Variants in GRID2 observed in about 807,000 individuals in gnomAD.
GRID2 encodes glutamate receptor ionotropic, delta-2.
In GRID2, 33 loss-of-function variants were observed where a neutral mutation model predicts 114.8. The ratio of observed to expected loss-of-function variants is 0.29; its 90% CI spans 0.22 to 0.38. The LOEUF (loss-of-function observed/expected upper bound fraction) is 0.38, where lower values mean the gene tolerates loss of function less well. Ranked by LOEUF, GRID2 falls within the 10% of genes least tolerant of loss-of-function variation. GRID2 has a pLI of 1.00. For synonymous variants in GRID2, 505 were observed against 449.9 expected, an observed-to-expected ratio of 1.12 and a Z score of -1.55; for missense variants, 1,184 against 1,257.7, an observed-to-expected ratio of 0.94 and a Z score of 0.89.
At chr4:93,569,242 C>T (rs1308866101) in intron 13 of GRID2, among the ~76,000 whole-genome samples, 3 of 152,146 alleles carry the variant, frequency 2.0e-5, no homozygotes, top group African/African-American at 7.2e-5. Context: ...TTTCCCTGCC[C>T]TCCTTTCATT....
At position 93,588,933 on chromosome 4, in the gene GRID2, G is replaced by C. The variant is rs1250912770; in HGVS notation, c.2194-37336G>C. On this transcript the variant is annotated intron_variant, in intron 13 of 15. Transcript: ENST00000282020. ...TGCCCCATCAAGTTCAATGGGGCAT[G>C]AACTCTCCAGCAGGTTCATCATATA... Among the ~76,000 whole-genome samples the C allele has an allele frequency of 3.3e-5, 5 of 152,068 alleles. No homozygotes were observed. In the South Asian group the frequency reaches 1.0e-3, roughly 32 times the overall value.
At chr4:93,003,834 T>G (rs1333572031) in intron 2 of GRID2, among the ~76,000 whole-genome samples, 1 of 151,956 alleles carries the variant, frequency 6.6e-6, no homozygotes, top group Non-Finnish European at 1.5e-5. Context: ...CTTCAGCAAC[T>G]AGTGGGCCAA....
intron 14 of GRID2, among the ~76,000 whole-genome samples, chr4:93,689,889 A>G (rs1046612878): frequency 6.6e-6 from 1 of 152,100 alleles, no homozygotes; most frequent in Non-Finnish European, 1.5e-5. Context: ...CTAACTAAAC[A>G]TTACATTTAC....
At chr4:93,042,390 G>T (rs1415324107) in intron 2 of GRID2, among the ~76,000 whole-genome samples, 29 of 144,424 alleles carry the variant, frequency 2.0e-4, no homozygotes, top group African/African-American at 6.9e-4. Flanking sequence ...ATATATATGT[G>T]TATATATACA....
intron 2 of GRID2, among the ~76,000 whole-genome samples, chr4:92,930,555 C>G (rs1236150790): frequency 3.0e-5 from 4 of 131,708 alleles, no homozygotes; most frequent in African/African-American, 1.1e-4. Context: ...TGGAAAGATT[C>G]TTTATCTTGT....
intron 2 of GRID2, among the ~76,000 whole-genome samples, chr4:93,070,101 A>G (rs935413117): frequency 6.6e-6 from 1 of 151,926 alleles, no homozygotes; most frequent in Non-Finnish European, 1.5e-5. Flanking sequence ...TTAGTGTCAA[A>G]TATTTAAATA....
At chr4:92,648,047 AT>A (rs1422174098) in intron 2 of GRID2, among the ~76,000 whole-genome samples, 2 of 149,822 alleles carry the variant, frequency 1.3e-5, no homozygotes, top group Non-Finnish European at 3.0e-5. Flanking sequence ...AGTTTCACTC[AT>A]TGGGGACATT....
At chr4:92,786,906 T>G (rs1158533822) in intron 2 of GRID2, among the ~76,000 whole-genome samples, 3 of 151,896 alleles carry the variant, frequency 2.0e-5, no homozygotes, top group African/African-American at 7.2e-5. Flanking sequence ...AGATTACAAA[T>G]GCAGACCTTT....
chr4:93,463,882 G>T (rs908619979), intron 11 of GRID2, among the ~76,000 whole-genome samples: 3 of 152,008 alleles, frequency 2.0e-5, no homozygotes, highest in Non-Finnish European at 4.4e-5. Flanking sequence ...CCAGCTACTC[G>T]GGAGGCTGAG....
In GRID2 at chr4:92,555,248, G is replaced by A. The variant is rs546567916; in HGVS notation, c.89-34883G>A. 5.3e-4 allele frequency among the ~76,000 whole-genome samples: 80 copies of A among 152,218 alleles called. 1 individual carries two copies. The South Asian group carries it at 0.012, about 22-fold the overall frequency. ...CCATATTAACCCATGAGAGTTATCC[G>A]CAGTTAGCATTTGTGTTGAAGTAAA... On this transcript the variant is annotated intron_variant, in intron 1 of 15. Transcript: ENST00000282020.
chr4:92,338,221 TAAATA>T (rs1245019867), intron 1 of GRID2, among the ~76,000 whole-genome samples: 8 of 152,180 alleles, frequency 5.3e-5, no homozygotes, highest in African/African-American at 9.6e-5. Flanking sequence ...TAGTTTGTTA[TAAATA>T]AAATAGAGGT....
At position 92,923,588 on chromosome 4, in the gene GRID2, T is replaced by C. The variant is rs938549056; in HGVS notation, c.245-161407T>C. ...ATTTTCTTTGTTTTATTTTCTGTTA[T>C]AAAAGCCAACCAAAAATGACAAAAA... On this transcript the variant is annotated intron_variant, in intron 2 of 15. Coordinates refer to ENST00000282020, the MANE Select transcript of GRID2 (RefSeq NM_001510.4). Among the ~76,000 whole-genome samples, 7 of 152,268 alleles carry C rather than the reference T, an allele frequency of 4.6e-5. No individual in the cohort carries two copies. The South Asian group carries it at 8.3e-4, about 18-fold the overall frequency.
At chr4:93,605,051 G>A (rs2149648925) in intron 13 of GRID2, among the ~76,000 whole-genome samples, 1 of 152,128 alleles carries the variant, frequency 6.6e-6, no homozygotes, top group South Asian at 2.1e-4. Context: ...TAGATATGAA[G>A]GAGCTAATTG....
At chr4:93,783,344 A>C (rs866002963) in intron 1 of GRID2, among the ~76,000 whole-genome samples, 2 of 152,376 alleles carry the variant, frequency 1.3e-5, no homozygotes, top group Middle Eastern at 6.8e-3. Context: ...TTAGTAAGCG[A>C]GAATTCAAAC....
In GRID2 at chr4:93,438,742, TA is replaced by T. The variant is rs550424759; in HGVS notation, c.1545+15775del. Among the ~76,000 whole-genome samples the T allele has an allele frequency of 1.1e-4, 16 of 152,172 alleles. No individual in the cohort carries two copies. The South Asian group carries it at 2.9e-3, about 28-fold the overall frequency. On this transcript the variant is annotated intron_variant, in intron 10 of 15. Coordinates refer to ENST00000282020, the MANE Select transcript of GRID2 (RefSeq NM_001510.4). ...ACATGTGCACAATGTGCAAGTTTGT[TA>T]CATATGTATACATGTGCCATGTTGG... is the stretch of plus-strand genomic sequence containing the variant.
intron 1 of GRID2, among the ~76,000 whole-genome samples, chr4:92,418,570 A>G (rs1731734603): frequency 6.6e-6 from 1 of 152,128 alleles, no homozygotes; most frequent in Admixed American, 6.6e-5. Flanking sequence ...AATTGGAGGC[A>G]GATCAGAGAT....
At chr4:92,754,552 T>G (rs1737616770) in intron 2 of GRID2, among the ~76,000 whole-genome samples, 1 of 152,150 alleles carries the variant, frequency 6.6e-6, no homozygotes, top group Non-Finnish European at 1.5e-5. Context: ...GATCTCACCG[T>G]GGTGTTGTGG....
At chr4:92,670,250 A>G (rs963529793) in intron 2 of GRID2, among the ~76,000 whole-genome samples, 1 of 152,052 alleles carries the variant, frequency 6.6e-6, no homozygotes, top group African/African-American at 2.4e-5. Context: ...TTCATTTTAC[A>G]TTTATTAAAC....
chr4:92,666,344 G>T (rs1258999534), intron 2 of GRID2, among the ~76,000 whole-genome samples: 1 of 151,314 alleles, frequency 6.6e-6, no homozygotes, highest in Non-Finnish European at 1.5e-5. Flanking sequence ...AGTTCTTTGA[G>T]CATCTTGAAG....
Sources: gnomAD v4.1 joint callset for allele counts (sites outside exome capture counted in the v4.1 genomes callset) on GRCh38, gnomAD v4.1.1 for gene constraint, MANE v1.5 for transcripts, NCBI Gene and HGNC (gene_info 2026-07-23, HGNC 2026-07-21) for gene names.